ATP4A: variants seen among roughly 807,000 people sequenced by gnomAD.
ATP4A encodes potassium-transporting ATPase alpha chain 1.
Under a neutral mutation model 112.1 loss-of-function variants are expected in ATP4A, and 73 were observed. The observed-to-expected ratio is 0.65, with a 90% CI of 0.54 to 0.79. ATP4A has a LOEUF of 0.79. Ranked by LOEUF, ATP4A falls within the 30% of genes least tolerant of loss-of-function variation. The pLI, the probability that ATP4A is intolerant of heterozygous loss-of-function variation, is 0.00. For synonymous variants in ATP4A, 588 were observed against 588.9 expected (o/e 1.00, Z 0.02); for missense variants, 1,081 against 1,425.9 (o/e 0.76, Z 3.90).
At chr19:35,553,608 G>T in intron 17 of ATP4A, 98 bp downstream of exon 17, 1 of 1,517,436 alleles carries the variant, frequency 6.6e-7, no homozygotes, top group Non-Finnish European at 8.9e-7. Flanking sequence ...AGACACTGAG[G>T]TCCAGAACCA....
Position 35,563,515 on chromosome 19 carries a change from G to A in ATP4A, c.25C>T (p.Leu9Phe). 6.2e-7 allele frequency: 1 copy of A among 1,614,038 alleles called. No homozygotes were observed. The highest frequency in any genetic ancestry group is 2.2e-5 in the East Asian group (1 of 44,852). MGKAENYE[L>F]YSVELGPGPG... is the part of the protein sequence containing the mutation. ...CCAGGACCCAGCTCCACCGAGTAGA[G>A]CTCATAGTTCTCCTGGGAATGGACA... is the stretch of plus-strand genomic sequence containing the variant. The change falls in exon 2 of 22, where the codon CTC (leucine) becomes TTC (phenylalanine). Residue 9 changes from leucine (L) to phenylalanine (F), a missense_variant. By Grantham distance (22) the Leu-to-Phe change is conservative (BLOSUM62 0). This residue lies in a region of ATP4A where 850 missense variants were observed against 1,068.2 expected (regional missense o/e 0.80). Transcript: ENST00000262623.
At position 35,563,213 on chromosome 19, in the gene ATP4A, G is replaced by T. The variant is rs370320042; in HGVS notation, c.212C>A (p.Thr71Asn). The change falls in exon 3 of 22, where the codon ACC becomes AAC. Residue 71 changes from threonine to asparagine, a missense_variant. Thr to Asn is a moderately conservative substitution (Grantham distance 65). Coordinates refer to ENST00000262623, the MANE Select transcript of ATP4A (RefSeq NM_000704.3). Reference sequence around the variant, plus strand: ...CGCTCCCAGTCTCCAGCTCACCTTGGTGGCACTGGTCTGGTATTTCTGTTC... The same window carrying T: ...CGCTCCCAGTCTCCAGCTCACCTTGTTGGCACTGGTCTGGTATTTCTGTTC... ...ELEQKYQTSA[T>N]KGLSASLAAE... is the part of the protein sequence containing the mutation. 6.2e-7 allele frequency: 1 copy of T among 1,613,282 alleles called. No individual in the cohort carries two copies. The highest frequency in any genetic ancestry group is 1.3e-5 in the African/African-American group (1 of 74,610).
Position 35,560,041 on chromosome 19 carries a change from C to T in ATP4A, c.820G>A (p.Asp274Asn), listed in dbSNP as rs368041237. 18 of 1,614,092 alleles carry T rather than the reference C, an allele frequency of 1.1e-5. No homozygotes were observed. The highest frequency in any genetic ancestry group is 6.8e-6 in the Non-Finnish European group (8 of 1,179,948). Residue 274 changes from aspartate to asparagine, a missense_variant, in exon 7 of 22, where the codon GAC (aspartate) becomes AAC (asparagine). Coordinates refer to ENST00000262623, the MANE Select transcript of ATP4A (RefSeq NM_000704.3). This position sits in a 1 kb window ranked among gnomAD's most constrained non-coding sequence, Gnocchi z 5.1. Reference sequence around the variant, plus strand: ...GCGATGCGCCCAATGATGGTGCGGTCGCCCGTGTTCACCACCAGGCCCTGC... The same window carrying T: ...GCGATGCGCCCAATGATGGTGCGGTTGCCCGTGTTCACCACCAGGCCCTGC... ...TVQGLVVNTGDRTIIGRIASL... is the reference protein window; with the variant it reads ...TVQGLVVNTGNRTIIGRIASL...
rs1254102714 is a variant in ATP4A at position 35,560,679 on chromosome 19, G to A, written c.535-64C>T. 1.9e-6 allele frequency: 3 copies of A among 1,589,738 alleles called. No homozygotes were observed. Among genetic ancestry groups the A allele is most frequent in the African/African-American group, 1.3e-5 (1 of 74,630 alleles). On this transcript the variant is annotated intron_variant, in intron 5 of 21. Transcript: ENST00000262623. The surrounding 1 kb of genome is among the most constrained non-coding windows in gnomAD (Gnocchi z 5.1). ...TGGGGGTGGGAGCTGCTGCATGTGG[G>A]GAGGTAAAGGATGAGGAGAGCTGGG...
At chr19:35,554,801 A>G in intron 16 of ATP4A, 121 bp downstream of exon 16, 1 of 1,400,920 alleles carries the variant, frequency 7.1e-7, no homozygotes, top group East Asian at 2.4e-5. Flanking sequence ...CATTGCACAC[A>G]CAGGTCTTGT....
At position 35,560,012 on chromosome 19, in the gene ATP4A, C is replaced by A. The variant is rs746904868; in HGVS notation, c.849G>T (p.Ser283=). The A allele has an allele frequency of 5.0e-6, 8 of 1,614,234 alleles. No individual in the cohort carries two copies. The Admixed American group carries it at 1.3e-4, about 27-fold the overall frequency. ...GDRTIIGRIA[S]LASGVENEKT... is the part of the protein sequence containing the mutation. Reference sequence around the variant, plus strand: ...TCTCGTTTTCCACCCCCGACGCCAGCGATGCGATGCGCCCAATGATGGTGC... The same window carrying A: ...TCTCGTTTTCCACCCCCGACGCCAGAGATGCGATGCGCCCAATGATGGTGC... Residue 283 remains serine (S), a synonymous_variant, in exon 7 of 22, where the codon TCG becomes TCT. Transcript: ENST00000262623. This position sits in a 1 kb window ranked among gnomAD's most constrained non-coding sequence, Gnocchi z 5.1.
intron 4 of ATP4A, among the ~76,000 whole-genome samples, chr19:35,561,849 T>C (rs1333368675): frequency 6.7e-5 from 6 of 89,758 alleles, no homozygotes; most frequent in African/African-American, 2.6e-4. Context: ...TCCCATCTCT[T>C]TTTTTTTTTT....
In ATP4A at chr19:35,558,984, C is replaced by A. The variant is rs762301007; in HGVS notation, c.1255+9G>T. 1.2e-5 allele frequency: 19 copies of A among 1,613,952 alleles called. No homozygotes were observed. In the Admixed American group the frequency reaches 3.2e-4, roughly 27 times the overall value. ...CTGCCCTGGCGCCTGTGCCCTCCCT[C>A]CCCCACACCTGACTGGTCTTCCGTG... On this transcript the variant is annotated intron_variant, in intron 8 of 21. Coordinates refer to ENST00000262623, the MANE Select transcript of ATP4A (RefSeq NM_000704.3). This position sits in a 1 kb window ranked among gnomAD's most constrained non-coding sequence, Gnocchi z 5.1.
rs541371406 is a variant in ATP4A, at chr19:35,560,240, C to T, written c.787+123G>A. ...GTGTGCCCTGGGGAGGTGGCAGTCA[C>T]GGGGAGGTGGCAGTCATGCAGGAGA... On this transcript the variant is annotated intron_variant, in intron 6 of 21. Transcript: ENST00000262623. This position sits in a 1 kb window ranked among gnomAD's most constrained non-coding sequence, Gnocchi z 5.1. The T allele has an allele frequency of 2.6e-5, 40 of 1,537,066 alleles. 1 individual carries two copies. Among genetic ancestry groups the T allele is most frequent in the African/African-American group, 9.8e-5 (7 of 71,504 alleles).
At position 35,563,526 on chromosome 19, in the gene ATP4A, T is replaced by C. The variant is rs1195219772; in HGVS notation, c.14A>G (p.Glu5Gly). 1.2e-6 allele frequency: 2 copies of C among 1,613,968 alleles called. No individual in the cohort carries two copies. The highest frequency in any genetic ancestry group is 1.1e-5 in the South Asian group (1 of 91,080). Residue 5 changes from glutamate (E) to glycine (G), a missense_variant and splice_region_variant, in exon 2 of 22, where the codon GAG becomes GGG. Around this residue, in one of 3 missense-constraint regions of ATP4A, gnomAD observed 850 missense variants for 1,068.2 expected, o/e 0.80. Transcript: ENST00000262623. ...CTCCACCGAGTAGAGCTCATAGTTC[T>C]CCTGGGAATGGACAGGATGGAGGGA... The part of the protein sequence containing the change: MGKA[E>G]NYELYSVELG...
At chr19:35,552,392 G>T (rs757611572) in intron 18 of ATP4A, among the ~76,000 whole-genome samples, 1 of 152,208 alleles carries the variant, frequency 6.6e-6, no homozygotes, top group Non-Finnish European at 1.5e-5. Context: ...TAGAGCCTGA[G>T]AATTTGCACT....
chr19:35,552,102 AG>A (rs1163746550), intron 18 of ATP4A, among the ~76,000 whole-genome samples: 1 of 152,036 alleles, frequency 6.6e-6, no homozygotes, highest in Non-Finnish European at 1.5e-5. Flanking sequence ...GCTGGAGTGC[AG>A]TGGTGCAATC....
In ATP4A at chr19:35,556,893, T is replaced by A. The variant is rs201836771; in HGVS notation, c.1869+20A>T. 1 of 1,607,466 alleles carries A rather than the reference T, an allele frequency of 6.2e-7. No individual in the cohort carries two copies. The stretch of plus-strand genomic sequence containing the variant: ...CATCCTCTGTCCTCACTCCACTTGT[T>A]CCTCCCCACAGTGGCATACCCGGAT... On this transcript the variant is annotated intron_variant, in intron 12 of 21. Transcript: ENST00000262623.
rs750205502 is a variant in ATP4A at position 35,557,635 on chromosome 19, C to T, written c.1693+20G>A. ...CTCCTCCTCGCACCTGGAGTCTCCT[C>T]CCCTGCCCAGGGGTCTCACCGAGCA... On this transcript the variant is annotated intron_variant, in intron 11 of 21. Transcript: ENST00000262623. This position sits in a 1 kb window ranked among gnomAD's most constrained non-coding sequence, Gnocchi z 4.4. 2 of 1,593,944 alleles carry T rather than the reference C, an allele frequency of 1.3e-6. No individual in the cohort carries two copies.
At position 35,558,751 on chromosome 19, in the gene ATP4A, T is replaced by C; in HGVS notation, c.1256-65A>G. 6.7e-7 allele frequency: 1 copy of C among 1,482,574 alleles called. No homozygotes were observed. The allele number at this position is 1,482,574 out of a possible 1,614,324, so 91.8% of individuals were successfully genotyped here. On this transcript the variant is annotated intron_variant, in intron 8 of 21. Coordinates refer to ENST00000262623, the MANE Select transcript of ATP4A (RefSeq NM_000704.3). The surrounding 1 kb of genome is among the most constrained non-coding windows in gnomAD (Gnocchi z 5.1). ...TCTCCCGGACCAGAACCGAGCCCCC[T>C]CCTCCTAGGCTCATATCGCGGGCCC...
chr19:35,550,737 T>C lies in ATP4A; in HGVS notation c.3080-94A>G, dbSNP rs1568312536. On this transcript the variant is annotated intron_variant, in intron 21 of 21. Coordinates refer to ENST00000262623, the MANE Select transcript of ATP4A (RefSeq NM_000704.3). This position sits in a 1 kb window ranked among gnomAD's most constrained non-coding sequence, Gnocchi z 4.1. ...GGTCAGTGCTGGTTGCTATGGAGGG[T>C]CAAGGGCTTAGAGGCCAAGTGTTGA... The C allele has an allele frequency of 1.2e-6, 2 of 1,608,408 alleles. No homozygotes were observed. Among genetic ancestry groups the C allele is most frequent in the East Asian group, 4.5e-5 (2 of 44,820 alleles).
chr19:35,562,691 C>T (rs2071678782), intron 3 of ATP4A, 53 bp from the exon 4 acceptor site: 4 of 1,506,892 alleles, frequency 2.7e-6, no homozygotes, highest in Middle Eastern at 2.3e-4. Flanking sequence ...TCCACATGCA[C>T]ACCCCGTGGA....
chr19:35,560,970 C>A lies in ATP4A; in HGVS notation c.421-38G>T, dbSNP rs3746283. 3.5e-5 allele frequency: 56 copies of A among 1,581,952 alleles called. No individual in the cohort carries two copies. The highest frequency in any genetic ancestry group is 4.3e-5 in the Non-Finnish European group (50 of 1,151,760). On this transcript the variant is annotated intron_variant, in intron 4 of 21. Transcript: ENST00000262623. This position sits in a 1 kb window ranked among gnomAD's most constrained non-coding sequence, Gnocchi z 5.1. The stretch of plus-strand genomic sequence containing the variant: ...AAGGGGTGGGGTTATTCAGAGGGGC[C>A]GGAAGCTGCCTGCCTGAGGCCACCG...
In ATP4A at chr19:35,560,286, C is replaced by T; in HGVS notation, c.787+77G>A. The T allele has an allele frequency of 6.3e-7, 1 of 1,587,462 alleles. No individual in the cohort carries two copies. The highest frequency in any genetic ancestry group is 8.6e-7 in the Non-Finnish European group (1 of 1,165,718). ...GGAGAGAGACAGGGAGGCTGAAGCC[C>T]CCTGTCCTAGAAGATAGCAGGAGAG... On this transcript the variant is annotated intron_variant, in intron 6 of 21. Transcript: ENST00000262623. This position sits in a 1 kb window ranked among gnomAD's most constrained non-coding sequence, Gnocchi z 5.1.
Sources: allele counts gnomAD v4.1 joint callset (sites outside exome capture counted in the v4.1 genomes callset), GRCh38; gene constraint gnomAD v4.1.1; regional missense constraint gnomAD v4.1.1; non-coding constraint Gnocchi (gnomAD v3.1); transcripts MANE v1.5; gene names NCBI Gene and HGNC (gene_info 2026-07-23, HGNC 2026-07-21).